The following PCDHGB4 variants were observed in gnomAD, a reference collection of about 807,000 sequenced individuals.
PCDHGB4 encodes the protein protocadherin gamma-B4.
Under a neutral mutation model 60.5 loss-of-function variants are expected in PCDHGB4, and 38 were observed. The ratio of observed to expected loss-of-function variants is 0.63; its 90% CI spans 0.48 to 0.82. The LOEUF (loss-of-function observed/expected upper bound fraction) is 0.82. Ranked by LOEUF, PCDHGB4 falls within the 40% of genes least tolerant of loss-of-function variation. The pLI, the probability that PCDHGB4 is intolerant of heterozygous loss-of-function variation, is 0.00. For synonymous variants in PCDHGB4, 456 were observed against 509.7 expected, an observed-to-expected ratio of 0.89 and a Z score of 1.42; for missense variants, 1,109 against 1,209.6, an observed-to-expected ratio of 0.92 and a Z score of 1.23.
chr5:141,404,405 TC>T, intron 1 of PCDHGB4: 1 of 1,613,914 alleles, frequency 6.2e-7, no homozygotes, highest in South Asian at 1.1e-5. Flanking sequence ...CAATGAGAAT[TC>T]TAGAGTTATT....
In PCDHGB4 at chr5:141,476,802, C is replaced by T; in HGVS notation, c.2398-18005C>T. 2 of 1,613,638 alleles carry T rather than the reference C, an allele frequency of 1.2e-6. No homozygotes were observed. The highest frequency in any genetic ancestry group is 1.7e-6 in the Non-Finnish European group (2 of 1,180,020). On this transcript the variant is annotated intron_variant, in intron 1 of 3. Coordinates refer to ENST00000519479, the MANE Select transcript of PCDHGB4 (RefSeq NM_003736.4). The surrounding 1 kb of genome is among the most constrained non-coding windows in gnomAD (Gnocchi z 7.6). ...ACCCCAGCTCTCTCCGCCAGCCTGC[C>T]TATTCACATCAAGGTGCTGGACGCG... is the stretch of plus-strand genomic sequence containing the variant.
At chr5:141,404,762 C>T (rs1466259455) in intron 1 of PCDHGB4, 1 of 1,613,828 alleles carries the variant, frequency 6.2e-7, no homozygotes, top group East Asian at 2.2e-5. Flanking sequence ...GAATGCTTGG[C>T]TCTCCTACCG....
At chr5:141,404,395 CA>C (rs2094524205) in intron 1 of PCDHGB4, 7 of 1,613,768 alleles carry the variant, frequency 4.3e-6, no homozygotes, top group Non-Finnish European at 5.9e-6. Flanking sequence ...ACCCTGATAG[CA>C]ATGAGAATTC....
chr5:141,405,138 G>A (rs777486710), intron 1 of PCDHGB4: 4 of 1,613,962 alleles, frequency 2.5e-6, no homozygotes, highest in Non-Finnish European at 3.4e-6. Flanking sequence ...CGGGCTACCA[G>A]TGATGGGTTG....
intron 1 of PCDHGB4, chr5:141,414,831 G>A (rs1230752323): frequency 1.9e-6 from 3 of 1,614,212 alleles, no homozygotes; most frequent in Admixed American, 1.7e-5. Flanking sequence ...ACGTGTCGTT[G>A]AGCCTGTTTG....
chr5:141,481,257 A>T (rs2099534664), intron 1 of PCDHGB4, among the ~76,000 whole-genome samples: 1 of 152,172 alleles, frequency 6.6e-6, no homozygotes, highest in African/African-American at 2.4e-5. Context: ...GCTCTAAAAG[A>T]TCACTGTAGG....
At chr5:141,497,272 T>G (rs568198729) in intron 2 of PCDHGB4, among the ~76,000 whole-genome samples, 20 of 152,254 alleles carry the variant, frequency 1.3e-4, no homozygotes, top group African/African-American at 4.3e-4. Flanking sequence ...CTAGGCCATT[T>G]ATGTTCCCTC....
intron 1 of PCDHGB4, among the ~76,000 whole-genome samples, chr5:141,465,486 G>C (rs1221398075): frequency 6.6e-6 from 1 of 152,216 alleles, no homozygotes; most frequent in African/African-American, 2.4e-5. Flanking sequence ...TGAGAGGAAT[G>C]AGCGGGAGCA....
At chr5:141,463,682 G>A (rs62379195) in intron 1 of PCDHGB4, among the ~76,000 whole-genome samples, 7,165 of 151,926 alleles carry the variant, frequency 0.047, 241 homozygotes, top group Middle Eastern at 0.095. Context: ...GGATGACCTC[G>A]TGATCTGCTC....
In PCDHGB4 at chr5:141,389,957, G is replaced by C; in HGVS notation, c.2073G>C (p.Val691=). The C allele has an allele frequency of 1.2e-6, 2 of 1,614,080 alleles. No homozygotes were observed. The highest frequency in any genetic ancestry group is 1.7e-6 in the Non-Finnish European group (2 of 1,179,906). Residue 691 remains valine, a synonymous_variant, in exon 1 of 4, where the codon GTG becomes GTC. Transcript: ENST00000519479. ...AGGCTGAGCTGCAGTTTTACCTAGTGGTGGCCTTGGCCTTGATCTCAGTGC... is the reference window on the plus strand; with the variant it reads ...AGGCTGAGCTGCAGTTTTACCTAGTCGTGGCCTTGGCCTTGATCTCAGTGC... ...DLQAELQFYL[V]VALALISVLF...
intron 1 of PCDHGB4, among the ~76,000 whole-genome samples, chr5:141,470,451 T>C (rs2099230860): frequency 6.6e-6 from 1 of 152,210 alleles, no homozygotes; most frequent in Non-Finnish European, 1.5e-5. Context: ...AATAGCATCT[T>C]GAATAGGATT....
intron 1 of PCDHGB4, chr5:141,478,429 G>C: frequency 6.2e-7 from 1 of 1,613,674 alleles, no homozygotes; most frequent in Non-Finnish European, 8.5e-7. Flanking sequence ...GCAGCGACCC[G>C]CTGCTGAAGA....
At chr5:141,394,871 T>A in intron 1 of PCDHGB4, 1 of 1,613,814 alleles carries the variant, frequency 6.2e-7, no homozygotes, top group Non-Finnish European at 8.5e-7. Flanking sequence ...ACCCGAACGA[T>A]TCGAGCCTTA....
chr5:141,420,018 G>T, intron 1 of PCDHGB4: 2 of 1,614,066 alleles, frequency 1.2e-6, no homozygotes, highest in African/African-American at 2.7e-5. Flanking sequence ...CAGTCTTTCA[G>T]CCCTACTGCA....
chr5:141,428,861 T>G (rs1435613271), intron 1 of PCDHGB4: 1 of 73,058 alleles, frequency 1.4e-5, no homozygotes, highest in Non-Finnish European at 2.5e-5. Flanking sequence ...TACGGGAGAC[T>G]TTTTTTTTTT....
chr5:141,464,680 A>T (rs747974832), intron 1 of PCDHGB4, among the ~76,000 whole-genome samples: 1 of 152,144 alleles, frequency 6.6e-6, no homozygotes, highest in African/African-American at 2.4e-5. Context: ...TTTTAATTAA[A>T]ATTTCTCTTA....
Position 141,404,830 on chromosome 5 carries a change from G to A in PCDHGB4, c.2397+14549G>A, listed in dbSNP as rs775106144. The A allele has an allele frequency of 3.7e-6, 6 of 1,613,932 alleles. No individual in the cohort carries two copies. In the East Asian group the frequency reaches 1.3e-4, roughly 36 times the overall value. ...CGGTGGGGCTGCACACAGGTGAAGT[G>A]CGCACAGCTCGGGCCCTGCTAGATA... On this transcript the variant is annotated intron_variant, in intron 1 of 3. Coordinates refer to ENST00000519479, the MANE Select transcript of PCDHGB4 (RefSeq NM_003736.4).
chr5:141,404,754 A>G, intron 1 of PCDHGB4: 1 of 1,612,286 alleles, frequency 6.2e-7, no homozygotes, highest in Non-Finnish European at 8.5e-7. Flanking sequence ...TCAGGCCAGA[A>G]TGCTTGGCTC....
Position 141,490,013 on chromosome 5 carries a change from G to A in PCDHGB4, c.2398-4794G>A. 6.2e-7 allele frequency: 1 copy of A among 1,614,206 alleles called. No individual in the cohort carries two copies. The highest frequency in any genetic ancestry group is 1.1e-5 in the South Asian group (1 of 91,088). Reference sequence around the variant, plus strand: ...GGAATCCCAGAGAATGCACCCATTGGTACTCTGCTGCTCCGCCTCAATGCC... The same window carrying A: ...GGAATCCCAGAGAATGCACCCATTGATACTCTGCTGCTCCGCCTCAATGCC... On this transcript the variant is annotated intron_variant, in intron 1 of 3. Transcript: ENST00000519479. This position sits in a 1 kb window ranked among gnomAD's most constrained non-coding sequence, Gnocchi z 5.4.
Sources: gnomAD v4.1 joint callset for allele counts (sites outside exome capture counted in the v4.1 genomes callset) on GRCh38, gnomAD v4.1.1 for gene constraint, Gnocchi (gnomAD v3.1) non-coding constraint, MANE v1.5 for transcripts, NCBI Gene and HGNC (gene_info 2026-07-23, HGNC 2026-07-21) for gene names.